PIK3AP1: variants seen among roughly 807,000 people sequenced by gnomAD.
PIK3AP1 encodes the protein phosphoinositide 3-kinase adapter protein 1.
Under a neutral mutation model 88.1 loss-of-function variants are expected in PIK3AP1, and 21 were observed. The observed-to-expected ratio is 0.24, with a 90% CI of 0.17 to 0.34. PIK3AP1 has a LOEUF of 0.34. Among genes scored for constraint, PIK3AP1 ranks in the 10% least tolerant of loss-of-function variants. The probability of loss-of-function intolerance (pLI) is 1.00; values close to 1 mark genes in which losing one functional copy is unlikely to be tolerated. For missense variants in PIK3AP1, 828 were observed against 1,035.7 expected, an observed-to-expected ratio of 0.80 and a Z score of 2.75; for synonymous variants, 398 against 400.0, an observed-to-expected ratio of 1.00 and a Z score of 0.06.
At chr10:96,623,880 C>T (rs776214727) in intron 10 of PIK3AP1, among the ~76,000 whole-genome samples, 5 of 152,178 alleles carry the variant, frequency 3.3e-5, no homozygotes, top group Non-Finnish European at 5.9e-5. Flanking sequence ...GGAAGTACCA[C>T]TTAAAATGCC....
chr10:96,628,533 C>T, intron 8 of PIK3AP1, 40 bp from the exon 9 acceptor site: 2 of 1,502,490 alleles, frequency 1.3e-6, no homozygotes, highest in Admixed American at 1.7e-5. Flanking sequence ...TATTGGTCTC[C>T]TCCACAGGCA....
intron 15 of PIK3AP1, 139 bp from the exon 16 acceptor site, chr10:96,602,537 C>T (rs1589479117): frequency 3.0e-6 from 2 of 655,946 alleles, no homozygotes; most frequent in African/African-American, 1.8e-5. Flanking sequence ...TCAACCCAGC[C>T]ATACCTGGCA....
intron 2 of PIK3AP1, among the ~76,000 whole-genome samples, chr10:96,688,445 T>G (rs1844104953): frequency 6.6e-6 from 1 of 152,162 alleles, no homozygotes; most frequent in Non-Finnish European, 1.5e-5. Flanking sequence ...TAAAATTAAT[T>G]TTCTAATTAA....
chr10:96,694,947 C>T (rs552964364), intron 2 of PIK3AP1, among the ~76,000 whole-genome samples: 7 of 152,216 alleles, frequency 4.6e-5, no homozygotes, highest in South Asian at 2.1e-4. Context: ...ATGCATGCCC[C>T]GGACCATGGG....
chr10:96,641,038 G>A (rs2134223352), intron 8 of PIK3AP1, among the ~76,000 whole-genome samples: 1 of 151,954 alleles, frequency 6.6e-6, no homozygotes, highest in Non-Finnish European at 1.5e-5. Flanking sequence ...AAGACACGTA[G>A]TTACCACCTG....
At chr10:96,632,992 C>T (rs371828221) in intron 8 of PIK3AP1, 1,031 of 1,612,772 alleles carry the variant, frequency 6.4e-4, no homozygotes, top group Non-Finnish European at 8.2e-4. Flanking sequence ...CCAGTCCTTG[C>T]ATCTGATCAG....
chr10:96,718,426 A>G (rs1403349827), intron 1 of PIK3AP1, among the ~76,000 whole-genome samples: 1 of 152,150 alleles, frequency 6.6e-6, no homozygotes, highest in Non-Finnish European at 1.5e-5. Context: ...ATCTTCCCCC[A>G]TGGGTCCTTG....
chr10:96,632,671 T>A (rs1468810223), intron 8 of PIK3AP1, among the ~76,000 whole-genome samples: 2 of 152,226 alleles, frequency 1.3e-5, no homozygotes, highest in African/African-American at 4.8e-5. Context: ...GAAGCAACAA[T>A]GTAGGTGGCT....
intron 10 of PIK3AP1, among the ~76,000 whole-genome samples, chr10:96,625,324 G>A (rs1843140276): frequency 6.6e-6 from 1 of 152,156 alleles, no homozygotes; most frequent in South Asian, 2.1e-4. Flanking sequence ...ATGCTGACAG[G>A]TAGGGTCCAG....
intron 2 of PIK3AP1, among the ~76,000 whole-genome samples, chr10:96,704,312 C>A (rs530439207): frequency 6.6e-6 from 1 of 152,270 alleles, no homozygotes; most frequent in South Asian, 2.1e-4. Context: ...ACTTCCCATG[C>A]GACAGAGGTA....
chr10:96,661,869 G>T (rs185385652), intron 2 of PIK3AP1, among the ~76,000 whole-genome samples: 4 of 152,020 alleles, frequency 2.6e-5, no homozygotes, highest in African/African-American at 9.7e-5. Flanking sequence ...GAAAGGGAAA[G>T]GAGAGGGGAA....
At chr10:96,631,266 C>T (rs141231861) in intron 8 of PIK3AP1, among the ~76,000 whole-genome samples, 117 of 152,250 alleles carry the variant, frequency 7.7e-4, no homozygotes, top group African/African-American at 2.7e-3. Flanking sequence ...ACCAAATGTC[C>T]CAGGCTGATA....
At chr10:96,624,884 C>T (rs1355125045) in intron 10 of PIK3AP1, among the ~76,000 whole-genome samples, 1 of 152,188 alleles carries the variant, frequency 6.6e-6, no homozygotes, top group Non-Finnish European at 1.5e-5. Context: ...CACCTCCCTA[C>T]AATGAGCCAT....
At chr10:96,688,221 C>G (rs970608499) in intron 2 of PIK3AP1, among the ~76,000 whole-genome samples, 23 of 152,278 alleles carry the variant, frequency 1.5e-4, no homozygotes, top group African/African-American at 5.3e-4. Context: ...ATTCCCCACC[C>G]AGGATGAAGA....
At chr10:96,700,193 A>C (rs1016774739) in intron 2 of PIK3AP1, among the ~76,000 whole-genome samples, 1 of 152,158 alleles carries the variant, frequency 6.6e-6, no homozygotes, top group African/African-American at 2.4e-5. Context: ...GGGACCATGA[A>C]AGTGTAACGC....
chr10:96,711,739 A>ATTTTTTTTTTTTTTTTTTTTTTTT lies in PIK3AP1; in HGVS notation c.14-1780_14-1757dup, dbSNP rs763923650. On this transcript the variant is annotated intron_variant, in intron 1 of 16. Transcript: ENST00000339364. ...ATTTCCCCCAGGATGAGATTACCAA[A>ATTTTTTTTTTTTTTTTTTTTTTTT]TTTTTTTTTTTTTTTTTTTTTTTTT... 1.2e-4 allele frequency among the ~76,000 whole-genome samples: 8 copies of ATTTTTTTTTTTTTTTTTTTTTTTT among 66,446 alleles called. 1 individual carries two copies. Among genetic ancestry groups the ATTTTTTTTTTTTTTTTTTTTTTTT allele is most frequent in the African/African-American group, 5.6e-4 (8 of 14,256 alleles). 43.6% of individuals were successfully genotyped at this position (66,446 alleles called of 152,430 possible). A position where few individuals can be genotyped will look rare whatever the true frequency, so the allele number is the denominator to read the frequency against.
intron 1 of PIK3AP1, among the ~76,000 whole-genome samples, chr10:96,717,257 C>CAAAA (rs1325729375): frequency 1.1e-5 from 1 of 93,432 alleles, no homozygotes; most frequent in Non-Finnish European, 2.1e-5. Flanking sequence ...GACTCCGTCT[C>CAAAA]AAAAAAAAAA....
At chr10:96,678,007 A>G (rs1843948746) in intron 2 of PIK3AP1, among the ~76,000 whole-genome samples, 1 of 152,130 alleles carries the variant, frequency 6.6e-6, no homozygotes, top group South Asian at 2.1e-4. Flanking sequence ...TCTATTGCCA[A>G]AACTGGAGTG....
intron 2 of PIK3AP1, among the ~76,000 whole-genome samples, chr10:96,705,320 G>A (rs531687798): frequency 6.6e-6 from 1 of 152,094 alleles, no homozygotes. Flanking sequence ...TCAAAAGGCT[G>A]TAAAGGTCAC....
Sources: gnomAD v4.1 joint callset for allele counts (sites outside exome capture counted in the v4.1 genomes callset) on GRCh38, gnomAD v4.1.1 for gene constraint, MANE v1.5 for transcripts, NCBI Gene and HGNC (gene_info 2026-07-23, HGNC 2026-07-21) for gene names.